The following CELF2 variants were observed in gnomAD, a reference collection of about 807,000 sequenced individuals.
The protein encoded by CELF2 is CUG triplet repeat RNA-binding protein 2.
CELF2 carries 8 observed loss-of-function variants against 62.6 expected under a neutral mutation model. The ratio of observed to expected loss-of-function variants is 0.13; its 90% CI spans 0.07 to 0.23. The LOEUF is 0.23. CELF2 is among the 10% of genes least tolerant of loss of function. The probability of loss-of-function intolerance (pLI) is 1.00; values close to 1 mark genes in which losing one functional copy is unlikely to be tolerated. For missense variants in CELF2, 333 were observed against 671.0 expected (o/e 0.50, Z 5.56); for synonymous variants, 258 against 250.0 (o/e 1.03, Z -0.30).
intron 1 of CELF2, among the ~76,000 whole-genome samples, chr10:10,807,637 AT>A: frequency 6.6e-6 from 1 of 152,308 alleles, no homozygotes; most frequent in African/African-American, 2.4e-5. Context: ...AATTTAGTAG[AT>A]TTTTTGGATG....
the CELF2 span, among the ~76,000 whole-genome samples, chr10:10,677,575 C>T: frequency 8.5e-5 from 13 of 152,310 alleles, no homozygotes; most frequent in Non-Finnish European, 1.5e-4. Context: ...AGAGTACCTG[C>T]AAATTCCACT....
Position 11,275,104 on chromosome 10 carries a change from C to T in CELF2, c.825C>T (p.Gly275=). The T allele has an allele frequency of 6.2e-7, 1 of 1,614,210 alleles. No homozygotes were observed. The highest frequency in any genetic ancestry group is 8.5e-7 in the Non-Finnish European group (1 of 1,180,036). ...TSSSNLGAFS[G]IQQMAGMNAL... is the part of the protein sequence containing the mutation. ...CCAGCAACCTGGGTGCGTTCAGCGGCATTCAACAAATGGCAGGTAAGTCAG... is the reference window on the plus strand; with the variant it reads ...CCAGCAACCTGGGTGCGTTCAGCGGTATTCAACAAATGGCAGGTAAGTCAG... The change falls in exon 8 of 13, where the codon GGC becomes GGT. Residue 275 remains glycine, a synonymous_variant. Coordinates refer to ENST00000633077, the MANE Select transcript of CELF2 (RefSeq NM_001326342.2).
At position 11,321,010 on chromosome 10, in the gene CELF2, T is replaced by C. The variant is rs2095412573; in HGVS notation, c.1097-179T>C. ...AGGGTTCTCATGGCTTAGGTCATTTTCCCCCATTATCACGATTTATTTCTT... is the reference window on the plus strand; with the variant it reads ...AGGGTTCTCATGGCTTAGGTCATTTCCCCCCATTATCACGATTTATTTCTT... On this transcript the variant is annotated intron_variant, in intron 10 of 12. Transcript: ENST00000633077. The surrounding 1 kb of genome is among the most constrained non-coding windows in gnomAD (Gnocchi z 6.2). 3 of 1,360,938 alleles carry C rather than the reference T, an allele frequency of 2.2e-6. No homozygotes were observed. Among genetic ancestry groups the C allele is most frequent in the South Asian group, 1.3e-5 (1 of 77,586 alleles). 84.3% of individuals were successfully genotyped at this position (1,360,938 alleles called of 1,614,324 possible). A position where few individuals can be genotyped will look rare whatever the true frequency, so the allele number is the denominator to read the frequency against.
chr10:10,908,213 G>GGTTTT (rs1564802363), intron 1 of CELF2, among the ~76,000 whole-genome samples: 1 of 26,534 alleles, frequency 3.8e-5, no homozygotes, highest in African/African-American at 1.9e-4. Context: ...TGTATGAGGG[G>GGTTTT]ATTTTTTTTT....
chr10:10,587,267 A>G, the CELF2 span, among the ~76,000 whole-genome samples: 4 of 152,192 alleles, frequency 2.6e-5, no homozygotes, highest in Non-Finnish European at 5.9e-5. Flanking sequence ...ATGCAACAAA[A>G]TGTCGATAGG....
chr10:10,550,963 G>T, the CELF2 span, among the ~76,000 whole-genome samples: 1 of 152,294 alleles, frequency 6.6e-6, no homozygotes, highest in South Asian at 2.1e-4. Context: ...CTCCCAAAGT[G>T]CTGGGATTAC....
the CELF2 span, among the ~76,000 whole-genome samples, chr10:10,581,030 G>A: frequency 1.3e-5 from 2 of 152,150 alleles, no homozygotes; most frequent in Non-Finnish European, 2.9e-5. Context: ...AGTCATTATT[G>A]CCTGTATGTC....
chr10:11,084,418 T>A (rs1290968954), intron 1 of CELF2, among the ~76,000 whole-genome samples: 6 of 152,194 alleles, frequency 3.9e-5, no homozygotes, highest in Non-Finnish European at 4.4e-5. Context: ...CAATTAAGTG[T>A]GCTGTACAAA....
chr10:10,663,076 A>G, the CELF2 span, among the ~76,000 whole-genome samples: 4 of 152,338 alleles, frequency 2.6e-5, no homozygotes, highest in Middle Eastern at 6.8e-3. Context: ...TATTATTTCC[A>G]TCAAAGGAAG....
the CELF2 span, among the ~76,000 whole-genome samples, chr10:10,510,469 G>A: frequency 5.3e-5 from 8 of 152,274 alleles, no homozygotes; most frequent in Non-Finnish European, 1.0e-4. Flanking sequence ...TCTTCTTTGC[G>A]TTTATCTTCA....
intron 1 of CELF2, among the ~76,000 whole-genome samples, chr10:11,151,822 T>C (rs1178045479): frequency 6.6e-6 from 1 of 151,932 alleles, no homozygotes; most frequent in Non-Finnish European, 1.5e-5. Flanking sequence ...AAAACAAGGG[T>C]GTCTGGTTTA....
intron 8 of CELF2, among the ~76,000 whole-genome samples, chr10:11,282,311 G>A (rs1433594269): frequency 6.6e-6 from 1 of 152,218 alleles, no homozygotes; most frequent in East Asian, 1.9e-4. Flanking sequence ...GGTAGGCCAG[G>A]CTGGCAGGGA....
intron 1 of CELF2, among the ~76,000 whole-genome samples, chr10:11,091,280 G>T (rs748352914): frequency 2.0e-5 from 3 of 152,194 alleles, no homozygotes; most frequent in Non-Finnish European, 2.9e-5. Context: ...GACATTAAGT[G>T]AAATCGCTGG....
At chr10:10,998,841 T>C (rs1309612294) in intron 2 of CELF2, among the ~76,000 whole-genome samples, 1 of 152,178 alleles carries the variant, frequency 6.6e-6, no homozygotes, top group Non-Finnish European at 1.5e-5. Context: ...AAAATCACCC[T>C]CCTGCTCCCA....
chr10:10,994,586 G>A (rs1332810098), intron 2 of CELF2, among the ~76,000 whole-genome samples: 3 of 152,186 alleles, frequency 2.0e-5, no homozygotes, highest in Non-Finnish European at 2.9e-5. Flanking sequence ...TGAATCAGCA[G>A]CAGCATTCTA....
chr10:11,319,884 T>A lies in CELF2; in HGVS notation c.1097-1305T>A, dbSNP rs570897046. 17 of 470,912 alleles carry A rather than the reference T, an allele frequency of 3.6e-5. No individual in the cohort carries two copies. The highest frequency in any genetic ancestry group is 6.2e-5 in the Non-Finnish European group (14 of 227,022). The allele number at this position is 470,912 out of a possible 1,614,324, so 29.2% of individuals were successfully genotyped here. ...TTCCCCACCTGCTCTGTTAGGGCAG[T>A]AGCGTTGCTGGGCGTGTGGAGGTCA... is the stretch of plus-strand genomic sequence containing the variant. On this transcript the variant is annotated intron_variant, in intron 10 of 12. Transcript: ENST00000633077. This position sits in a 1 kb window ranked among gnomAD's most constrained non-coding sequence, Gnocchi z 4.4.
chr10:10,635,905 A>G, the CELF2 span, among the ~76,000 whole-genome samples: 7 of 152,240 alleles, frequency 4.6e-5, no homozygotes, highest in Non-Finnish European at 1.0e-4. Flanking sequence ...GTAATTACTG[A>G]CAACTCATGT....
chr10:11,277,482 A>C, intron 8 of CELF2, among the ~76,000 whole-genome samples: 1 of 152,160 alleles, frequency 6.6e-6, no homozygotes, highest in East Asian at 1.9e-4. Flanking sequence ...CCAGGAGAGC[A>C]TGGCCCCGTG....
upstream of CELF2, chr10:11,004,979 A>G: frequency 1.1e-6 from 1 of 900,552 alleles, no homozygotes; most frequent in East Asian, 1.2e-4. The surrounding 1 kb of genome is among the most constrained non-coding windows in gnomAD (Gnocchi z 5.0). Flanking sequence ...TGGTTTTGCT[A>G]TTAAGTGTGT....
Sources: gnomAD v4.1 joint callset for allele counts (sites outside exome capture counted in the v4.1 genomes callset) on GRCh38, gnomAD v4.1.1 for gene constraint, Gnocchi (gnomAD v3.1) non-coding constraint, MANE v1.5 for transcripts, NCBI Gene and HGNC (gene_info 2026-07-23, HGNC 2026-07-21) for gene names.